The following TLL2 variants were observed in gnomAD, a reference collection of about 807,000 sequenced individuals.
TLL2 encodes tolloid-like protein 2.
TLL2 carries 106 observed loss-of-function variants against 123.0 expected under a neutral mutation model. The observed-to-expected ratio is 0.86, with a 90% CI of 0.74 to 1.01. TLL2 has a LOEUF of 1.01. Ranked by LOEUF, TLL2 falls within the 50% of genes least tolerant of loss-of-function variation. The pLI is 0.00. For synonymous variants in TLL2, 494 were observed against 516.8 expected (o/e 0.96, Z 0.60); for missense variants, 1,332 against 1,336.7 (o/e 1.00, Z 0.06).
In TLL2 at chr10:96,366,897, C is replaced by T. The variant is rs1394541914; in HGVS notation, c.*1191G>A. The T allele has an allele frequency of 6.6e-6, 1 of 152,662 alleles. No homozygotes were observed. Among genetic ancestry groups the T allele is most frequent in the Non-Finnish European group, 1.5e-5 (1 of 68,038 alleles). The allele number at this position is 152,662 out of a possible 1,614,324, so 9.5% of individuals were successfully genotyped here. ...AAACTACCTCACTGTTTAAATTATACCTTGAGGTGCTAAAATTATGTAAAC... is the reference window on the plus strand; with the variant it reads ...AAACTACCTCACTGTTTAAATTATATCTTGAGGTGCTAAAATTATGTAAAC... On this transcript the variant is annotated 3_prime_UTR_variant, in exon 21 of 21. Transcript: ENST00000357947.
intron 7 of TLL2, among the ~76,000 whole-genome samples, chr10:96,414,687 C>T (rs1206982347): frequency 3.3e-5 from 5 of 152,150 alleles, no homozygotes; most frequent in African/African-American, 1.2e-4. Context: ...CGTAACACCT[C>T]CCCTGGGCTG....
intron 5 of TLL2, among the ~76,000 whole-genome samples, chr10:96,427,928 G>A (rs1450638998): frequency 6.6e-6 from 1 of 152,196 alleles, no homozygotes; most frequent in Non-Finnish European, 1.5e-5. Context: ...CCAGGTAGCT[G>A]GGATTACAGG....
At position 96,420,959 on chromosome 10, in the gene TLL2, G is replaced by C; in HGVS notation, c.920C>G (p.Ser307Ter). ...AGGCATAAGCATAGATTCCGACCTT[G>C]AGAAGGTGTTCCGGGCGTAGTGCAT... ...SIMHYARNTF[S>*]RGVFLDTILP... Residue 307 changes from serine (S) to a stop codon, truncating the protein, a stop_gained, in exon 7 of 21, where the codon TCA becomes TGA. Coordinates refer to ENST00000357947, the MANE Select transcript of TLL2 (RefSeq NM_012465.4). LOFTEE classifies it high-confidence loss of function. The C allele has an allele frequency of 6.2e-7, 1 of 1,613,956 alleles. No individual in the cohort carries two copies. Among genetic ancestry groups the C allele is most frequent in the South Asian group, 1.1e-5 (1 of 91,066 alleles).
intron 2 of TLL2, among the ~76,000 whole-genome samples, chr10:96,471,946 T>G (rs1410338663): frequency 6.6e-6 from 1 of 152,202 alleles, no homozygotes; most frequent in Non-Finnish European, 1.5e-5. Flanking sequence ...AGGTTCATAA[T>G]GTTCGTCAGA....
intron 13 of TLL2, among the ~76,000 whole-genome samples, chr10:96,387,593 A>G (rs1194858393): frequency 1.3e-5 from 2 of 152,190 alleles, no homozygotes; most frequent in African/African-American, 4.8e-5. Context: ...CTCTTAAGAG[A>G]GGTATGCACA....
At chr10:96,407,608 C>T (rs1351500673) in intron 9 of TLL2, among the ~76,000 whole-genome samples, 3 of 152,224 alleles carry the variant, frequency 2.0e-5, no homozygotes, top group Non-Finnish European at 2.9e-5. Context: ...TGAGTGTACA[C>T]TTAGCATACC....
At chr10:96,473,928 TG>T (rs1328827654) in intron 2 of TLL2, among the ~76,000 whole-genome samples, 1 of 152,108 alleles carries the variant, frequency 6.6e-6, no homozygotes, top group Non-Finnish European at 1.5e-5. Flanking sequence ...AACTCAGGAA[TG>T]GGGCTGTCAG....
Position 96,397,176 on chromosome 10 carries a change from T to C in TLL2, c.1384+10A>G. On this transcript the variant is annotated intron_variant, in intron 11 of 20. Transcript: ENST00000357947. The stretch of plus-strand genomic sequence containing the variant: ...GGGCCACCGAGCAGCTGCTTTCACC[T>C]CGCACAAACCTTCGTACGCTGCAAA... The C allele has an allele frequency of 6.2e-7, 1 of 1,608,018 alleles. No homozygotes were observed. Among genetic ancestry groups the C allele is most frequent in the Non-Finnish European group, 8.5e-7 (1 of 1,176,566 alleles).
chr10:96,472,590 C>T (rs921453458), intron 2 of TLL2, among the ~76,000 whole-genome samples: 1 of 151,782 alleles, frequency 6.6e-6, no homozygotes, highest in African/African-American at 2.4e-5. Flanking sequence ...CATGACATCT[C>T]GTCTCCACAA....
At chr10:96,448,754 T>G in intron 2 of TLL2, among the ~76,000 whole-genome samples, 1 of 151,422 alleles carries the variant, frequency 6.6e-6, no homozygotes. Context: ...GGCCCTGGGG[T>G]GGGAGTGTGC....
intron 13 of TLL2, among the ~76,000 whole-genome samples, chr10:96,387,386 T>C (rs1044833580): frequency 1.1e-4 from 16 of 152,140 alleles, no homozygotes; most frequent in African/African-American, 2.7e-4. Flanking sequence ...CTTCAAAAAA[T>C]CTCAAAACAT....
At chr10:96,454,755 C>A (rs1846995128) in intron 2 of TLL2, among the ~76,000 whole-genome samples, 1 of 152,156 alleles carries the variant, frequency 6.6e-6, no homozygotes, top group South Asian at 2.1e-4. Flanking sequence ...CAATGCCTGG[C>A]CTGTAATCAG....
chr10:96,397,379 G>A, intron 10 of TLL2, 77 bp from the exon 11 acceptor site: 1 of 1,177,276 alleles, frequency 8.5e-7, no homozygotes, highest in Non-Finnish European at 1.2e-6. Flanking sequence ...GGAGGAAGCT[G>A]AGGTTCTTCA....
intron 10 of TLL2, among the ~76,000 whole-genome samples, chr10:96,404,713 T>C (rs1846432668): frequency 6.6e-6 from 1 of 152,178 alleles, no homozygotes; most frequent in South Asian, 2.1e-4. Flanking sequence ...TTGCAATGCC[T>C]GCATTATATA....
At chr10:96,395,463 C>G (rs1013313221) in intron 12 of TLL2, 81 bp from the exon 13 acceptor site, 3 of 1,412,442 alleles carry the variant, frequency 2.1e-6, no homozygotes, top group Admixed American at 5.1e-5. Context: ...ACCCAAATAT[C>G]ACTCTCAAAA....
chr10:96,453,440 A>C (rs1450331346), intron 2 of TLL2, among the ~76,000 whole-genome samples: 1 of 152,150 alleles, frequency 6.6e-6, no homozygotes, highest in Non-Finnish European at 1.5e-5. Context: ...TGGATGATGA[A>C]ATGAGACTCT....
Position 96,422,649 on chromosome 10 carries a change from A to G in TLL2, c.717T>C (p.Ile239=), listed in dbSNP as rs768237239. 15 of 1,614,080 alleles carry G rather than the reference A, an allele frequency of 9.3e-6. No individual in the cohort carries two copies. In the Admixed American group the frequency reaches 1.8e-4, roughly 20 times the overall value. Residue 239 remains isoleucine (I), a synonymous_variant, in exon 6 of 21, where the codon ATT becomes ATC. Coordinates refer to ENST00000357947, the MANE Select transcript of TLL2 (RefSeq NM_012465.4). The part of the protein sequence containing the change: ...SIGKNCDKFG[I]VAHELGHVVG... Reference sequence around the variant, plus strand: ...CCACATGGCCCAGCTCGTGAGCCACAATGCCAAACTTGTCACAGTTCTTCC... The same window carrying G: ...CCACATGGCCCAGCTCGTGAGCCACGATGCCAAACTTGTCACAGTTCTTCC...
At position 96,407,883 on chromosome 10, in the gene TLL2, G is replaced by A. The variant is rs183769470; in HGVS notation, c.1164+2476C>T. 3.8e-3 allele frequency among the ~76,000 whole-genome samples: 566 copies of A among 147,238 alleles called. 3 individuals are homozygous for A. The highest frequency in any genetic ancestry group is 4.9e-3 in the Non-Finnish European group (335 of 67,982). ...CATGTGTGTGCGCACACGTGTGTGC[G>A]TGTGTGTGCATGTGTGTGCGCACGC... On this transcript the variant is annotated intron_variant, in intron 9 of 20. Transcript: ENST00000357947.
intron 5 of TLL2, among the ~76,000 whole-genome samples, chr10:96,427,930 G>T (rs1338517919): frequency 6.6e-6 from 1 of 152,126 alleles, no homozygotes; most frequent in African/African-American, 2.4e-5. Flanking sequence ...AGGTAGCTGG[G>T]ATTACAGGCA....
Sources: gnomAD v4.1 joint callset for allele counts (sites outside exome capture counted in the v4.1 genomes callset) on GRCh38, gnomAD v4.1.1 for gene constraint, MANE v1.5 for transcripts, NCBI Gene and HGNC (gene_info 2026-07-23, HGNC 2026-07-21) for gene names.